PCSK6: variants seen among roughly 807,000 people sequenced by gnomAD.
PCSK6 encodes the protein paired basic amino acid cleaving enzyme 4.
PCSK6 carries 85 observed loss-of-function variants against 123.3 expected under a neutral mutation model. That is an observed-to-expected ratio of 0.69 (90% CI 0.58 to 0.83). PCSK6 has a LOEUF of 0.83. Among genes scored for constraint, PCSK6 ranks in the 40% least tolerant of loss-of-function variants. The pLI, the probability that PCSK6 is intolerant of heterozygous loss-of-function variation, is 0.00. For synonymous variants in PCSK6, 508 were observed against 516.0 expected (o/e 0.98, Z 0.21); for missense variants, 1,191 against 1,282.3 (o/e 0.93, Z 1.09).
At chr15:101,488,214 A>C (rs1395766265) in intron 1 of PCSK6, among the ~76,000 whole-genome samples, 1 of 152,206 alleles carries the variant, frequency 6.6e-6, no homozygotes, top group Non-Finnish European at 1.5e-5. Flanking sequence ...TAAGGTTTAG[A>C]GTTATGAGTC....
intron 13 of PCSK6, among the ~76,000 whole-genome samples, chr15:101,362,271 T>G (rs1163947713): frequency 6.6e-6 from 1 of 152,032 alleles, no homozygotes; most frequent in African/African-American, 2.4e-5. Flanking sequence ...CTATTTACAT[T>G]AATGTGGAAA....
chr15:101,327,783 C>T (rs1022919406), intron 15 of PCSK6, among the ~76,000 whole-genome samples: 1 of 152,174 alleles, frequency 6.6e-6, no homozygotes, highest in Non-Finnish European at 1.5e-5. Flanking sequence ...TGGCTTCCCT[C>T]CCCGAAGGCT....
chr15:101,415,703 A>G (rs2055863388), intron 6 of PCSK6, among the ~76,000 whole-genome samples: 1 of 152,052 alleles, frequency 6.6e-6, no homozygotes, highest in Non-Finnish European at 1.5e-5. Flanking sequence ...TGTGGGAGGG[A>G]CTCAGGGGGA....
intron 5 of PCSK6, among the ~76,000 whole-genome samples, chr15:101,428,429 C>A (rs1303148865): frequency 6.6e-6 from 1 of 152,146 alleles, no homozygotes; most frequent in Non-Finnish European, 1.5e-5. Flanking sequence ...CAGTCTGGTG[C>A]TGATGTCACC....
intron 6 of PCSK6, among the ~76,000 whole-genome samples, chr15:101,408,475 C>G (rs1220201000): frequency 6.6e-6 from 1 of 152,234 alleles, no homozygotes; most frequent in Non-Finnish European, 1.5e-5. Flanking sequence ...GCATGGCCAC[C>G]AGGGAGACAC....
In PCSK6 at chr15:101,305,580, C is replaced by A. The variant is rs1312228866; in HGVS notation, c.2813-225G>T. 7 of 456,054 alleles carry A rather than the reference C, an allele frequency of 1.5e-5. No homozygotes were observed. Among genetic ancestry groups the A allele is most frequent in the Admixed American group, 1.4e-4 (4 of 29,122 alleles). 28.3% of individuals were successfully genotyped at this position (456,054 alleles called of 1,614,324 possible). ...AAAATTAGCTGGGCATGGTGGTGGG[C>A]ACCTGTAATCCAAGCTACTCGGGAG... On this transcript the variant is annotated intron_variant, in intron 21 of 21. Coordinates refer to ENST00000611716, the MANE Select transcript of PCSK6 (RefSeq NM_002570.5). This position sits in a 1 kb window ranked among gnomAD's most constrained non-coding sequence, Gnocchi z 4.8.
intron 10 of PCSK6, among the ~76,000 whole-genome samples, chr15:101,383,012 T>C (rs1341592416): frequency 2.0e-5 from 3 of 152,128 alleles, no homozygotes; most frequent in Non-Finnish European, 4.4e-5. Flanking sequence ...AGACTTAGTG[T>C]CAAATTAGTT....
At position 101,409,581 on chromosome 15, in the gene PCSK6, T is replaced by C. The variant is rs536921049; in HGVS notation, c.824-11005A>G. 7.3e-3 allele frequency among the ~76,000 whole-genome samples: 607 copies of C among 83,648 alleles called. 4 individuals are homozygous for C. The East Asian group carries it at 0.082, about 11-fold the overall frequency. The allele number at this position is 83,648 out of a possible 152,430, so 54.9% of individuals were successfully genotyped here. ...GCCTGGGCGACAGAGTAAGACTCCGTCTCAAAAAAAAAAAAAAAATGCAGG... is the reference window on the plus strand; with the variant it reads ...GCCTGGGCGACAGAGTAAGACTCCGCCTCAAAAAAAAAAAAAAAATGCAGG... On this transcript the variant is annotated intron_variant, in intron 6 of 21. Coordinates refer to ENST00000611716, the MANE Select transcript of PCSK6 (RefSeq NM_002570.5).
intron 11 of PCSK6, among the ~76,000 whole-genome samples, chr15:101,380,739 C>T (rs554126719): frequency 7.2e-5 from 11 of 152,326 alleles, no homozygotes; most frequent in African/African-American, 2.4e-4. Context: ...CCACCAGACA[C>T]ATTTTTCTCA....
chr15:101,469,591 G>A (rs1187037771), intron 1 of PCSK6, among the ~76,000 whole-genome samples: 5 of 152,200 alleles, frequency 3.3e-5, no homozygotes, highest in Admixed American at 6.5e-5. Flanking sequence ...CACGAGCCCC[G>A]AAGAACATGC....
At chr15:101,399,892 G>C (rs1253314745) in intron 6 of PCSK6, among the ~76,000 whole-genome samples, 1 of 152,166 alleles carries the variant, frequency 6.6e-6, no homozygotes, top group Non-Finnish European at 1.5e-5. Context: ...CCTTCATCAA[G>C]ACGAATTCTA....
Position 101,307,308 on chromosome 15 carries a change from A to G in PCSK6, c.2717T>C (p.Leu906Ser). 2.5e-6 allele frequency: 4 copies of G among 1,613,184 alleles called. No individual in the cohort carries two copies. The highest frequency in any genetic ancestry group is 3.4e-6 in the Non-Finnish European group (4 of 1,179,480). The change falls in exon 21 of 22, where the codon TTG becomes TCG. Residue 906 changes from leucine (L) to serine (S), a missense_variant. Transcript: ENST00000611716. ...KVCRRCDENC[L>S]SCAGSSRNCS... ...GTTCCTGCTGGAGCCTGCACAGCTC[A>G]AGCAGTTCTCGTCACACCTGTGGGA...
chr15:101,403,300 T>C (rs550440154), intron 6 of PCSK6, among the ~76,000 whole-genome samples: 128 of 146,494 alleles, frequency 8.7e-4, no homozygotes, highest in African/African-American at 2.9e-3. Context: ...AGGGATAGCA[T>C]TAGGAGATAT....
rs377121832 is a variant in PCSK6 at position 101,389,543 on chromosome 15, G to A, written c.1231C>T (p.Arg411Cys). 158 of 1,612,984 alleles carry A rather than the reference G, an allele frequency of 9.8e-5. No homozygotes were observed. The highest frequency in any genetic ancestry group is 1.1e-4 in the Non-Finnish European group (133 of 1,179,280). ...RKIVTTDLRQRCTDGHTGTSV... is the reference protein window; with the variant it reads ...RKIVTTDLRQCCTDGHTGTSV... ...GTCCCAGTGTGGCCATCGGTACAGC[G>A]CTGACGCAGATCCGTGGTGACCTGG... The change falls in exon 9 of 22, where the codon CGC becomes TGC. Residue 411 changes from arginine to cysteine, a missense_variant. By Grantham distance (180) the Arg-to-Cys change is radical (BLOSUM62 -3). This residue lies in a region of PCSK6 where 357 missense variants were observed against 484.5 expected (regional missense o/e 0.74). Coordinates refer to ENST00000611716, the MANE Select transcript of PCSK6 (RefSeq NM_002570.5).
chr15:101,324,750 CGGAAGCAGAAGGCTG>C, intron 17 of PCSK6, 85 bp downstream of exon 17: 1 of 1,007,576 alleles, frequency 9.9e-7, no homozygotes. Context: ...ACAAAATACA[CGGAAGCAGAAGGCTG>C]GGAAATTCTC....
intron 1 of PCSK6, among the ~76,000 whole-genome samples, chr15:101,447,947 G>A (rs1389719667): frequency 1.3e-5 from 2 of 152,240 alleles, no homozygotes; most frequent in African/African-American, 2.4e-5. Context: ...GAAGGGAGGC[G>A]CTGCCTCCAC....
At chr15:101,416,441 C>T (rs2055889650) in intron 6 of PCSK6, among the ~76,000 whole-genome samples, 2 of 152,216 alleles carry the variant, frequency 1.3e-5, no homozygotes, top group African/African-American at 4.8e-5. Context: ...TTCAGAAAAT[C>T]TGCAGCCTGA....
At chr15:101,392,255 C>A (rs1427732524) in intron 8 of PCSK6, among the ~76,000 whole-genome samples, 2 of 152,196 alleles carry the variant, frequency 1.3e-5, no homozygotes, top group Non-Finnish European at 2.9e-5. Flanking sequence ...GGTGCGTACT[C>A]CAGCAGAAAA....
chr15:101,392,854 G>A (rs2141551096), intron 8 of PCSK6, among the ~76,000 whole-genome samples: 1 of 152,218 alleles, frequency 6.6e-6, no homozygotes, highest in African/African-American at 2.4e-5. Flanking sequence ...TGTACACGCT[G>A]GAACTGGATG....
Sources: gnomAD v4.1 joint callset for allele counts (sites outside exome capture counted in the v4.1 genomes callset) on GRCh38, gnomAD v4.1.1 for gene constraint, gnomAD v4.1.1 regional missense constraint, Gnocchi (gnomAD v3.1) non-coding constraint, MANE v1.5 for transcripts, NCBI Gene and HGNC (gene_info 2026-07-23, HGNC 2026-07-21) for gene names.